Variants in RAPGEF1 observed in about 807,000 individuals in gnomAD.
RAPGEF1 encodes CRK SH3-binding GNRP.
In RAPGEF1, 33 loss-of-function variants were observed where a neutral mutation model predicts 143.3. That is an observed-to-expected ratio of 0.23 (90% CI 0.17 to 0.31). The LOEUF (loss-of-function observed/expected upper bound fraction) is 0.31, where lower values mean the gene tolerates loss of function less well. Ranked by LOEUF, RAPGEF1 falls within the 10% of genes least tolerant of loss-of-function variation. The pLI, the probability that RAPGEF1 is intolerant of heterozygous loss-of-function variation, is 1.00. For synonymous variants in RAPGEF1, 629 were observed against 676.5 expected (o/e 0.93, Z 1.09); for missense variants, 1,199 against 1,645.4 (o/e 0.73, Z 4.69).
intron 12 of RAPGEF1, among the ~76,000 whole-genome samples, chr9:131,607,470 T>A (rs751992272): frequency 2.0e-5 from 3 of 152,094 alleles, no homozygotes; most frequent in Non-Finnish European, 4.4e-5. Context: ...GGGTTTTCCA[T>A]CGATCTCTGG....
rs768808632 is a variant in RAPGEF1 at position 131,655,250 on chromosome 9, A to G, written c.62-4301T>C. Among the ~76,000 whole-genome samples, 3 of 152,212 alleles carry G rather than the reference A, an allele frequency of 2.0e-5. No homozygotes were observed. Among genetic ancestry groups the G allele is most frequent in the Middle Eastern group, 6.3e-3 (2 of 316 alleles). Reference sequence around the variant, plus strand: ...AAGCCAGGGCCTGACCCGCATTCACATGTGGTCAAACCAAACAGCTTCACA... The same window carrying G: ...AAGCCAGGGCCTGACCCGCATTCACGTGTGGTCAAACCAAACAGCTTCACA... On this transcript the variant is annotated intron_variant, in intron 1 of 26. Coordinates refer to ENST00000683357, the MANE Select transcript of RAPGEF1 (RefSeq NM_001377935.1). This position sits in a 1 kb window ranked among gnomAD's most constrained non-coding sequence, Gnocchi z 4.1.
rs936921451 is a variant in RAPGEF1, at chr9:131,630,448, C to T, written c.652-124G>A. 78 of 894,810 alleles carry T rather than the reference C, an allele frequency of 8.7e-5. 1 individual carries two copies. The highest frequency in any genetic ancestry group is 1.8e-4 in the East Asian group (7 of 38,420). The allele number at this position is 894,810 out of a possible 1,614,324, so 55.4% of individuals were successfully genotyped here. A position where few individuals can be genotyped will look rare whatever the true frequency, so the allele number is the denominator to read the frequency against. ...CATTTCTGTGCCTACAGATTCCCCA[C>T]GCACCATAAACGCAAGTATCACTTG... On this transcript the variant is annotated intron_variant, in intron 5 of 26. Coordinates refer to ENST00000683357, the MANE Select transcript of RAPGEF1 (RefSeq NM_001377935.1).
At chr9:131,600,970 A>G (rs750648428) in intron 15 of RAPGEF1, among the ~76,000 whole-genome samples, 5 of 152,160 alleles carry the variant, frequency 3.3e-5, no homozygotes, top group Non-Finnish European at 5.9e-5. Flanking sequence ...CCTGGCTAAC[A>G]TGGTGAAACC....
At chr9:131,589,062 A>G in intron 19 of RAPGEF1, 76 bp from the exon 20 acceptor site, 1 of 1,411,566 alleles carries the variant, frequency 7.1e-7, no homozygotes, top group Non-Finnish European at 9.8e-7. Flanking sequence ...CTTGAGACAC[A>G]CAAAGGGCAC....
intron 1 of RAPGEF1, among the ~76,000 whole-genome samples, chr9:131,690,304 G>A (rs1833690857): frequency 6.6e-6 from 1 of 152,186 alleles, no homozygotes; most frequent in South Asian, 2.1e-4. Context: ...CTACAGTAGA[G>A]TGACGGTTCT....
At chr9:131,708,745 T>TTTCTTTC (rs33942559) in intron 1 of RAPGEF1, among the ~76,000 whole-genome samples, 2 of 47,078 alleles carry the variant, frequency 4.2e-5, no homozygotes, top group African/African-American at 1.8e-4. Context: ...TTCTTTCTTT[T>TTTCTTTC]TTTTTTGAGA....
chr9:131,637,659 T>C (rs1966725622), intron 5 of RAPGEF1, among the ~76,000 whole-genome samples: 1 of 152,184 alleles, frequency 6.6e-6, no homozygotes, highest in East Asian at 1.9e-4. Context: ...TTACAAAGCA[T>C]GCATCTAGCA....
chr9:131,738,788 T>G (rs187828812), intron 1 of RAPGEF1, among the ~76,000 whole-genome samples: 94 of 152,302 alleles, frequency 6.2e-4, no homozygotes, highest in Non-Finnish European at 1.1e-3. Flanking sequence ...GCCTTGTGGG[T>G]CCGCTGCAGG....
intron 5 of RAPGEF1, among the ~76,000 whole-genome samples, chr9:131,633,940 T>C (rs542877319): frequency 7.2e-5 from 11 of 152,360 alleles, no homozygotes; most frequent in African/African-American, 2.4e-4. Context: ...TGTCAGACTT[T>C]TTAATTGTCC....
At chr9:131,604,872 C>A (rs1227312763) in intron 13 of RAPGEF1, 59 bp downstream of exon 13, 2 of 1,239,022 alleles carry the variant, frequency 1.6e-6, no homozygotes, top group African/African-American at 3.2e-5. Context: ...AAACGTGCAG[C>A]CCCATGTGCA....
chr9:131,704,929 C>CTTTAGGATCAACA (rs1834935286), intron 1 of RAPGEF1, among the ~76,000 whole-genome samples: 1 of 152,090 alleles, frequency 6.6e-6, no homozygotes, highest in African/African-American at 2.4e-5. Flanking sequence ...AATGTTGATT[C>CTTTAGGATCAACA]TTTAGGAGGG....
chr9:131,668,727 T>G (rs1830846311), intron 1 of RAPGEF1, among the ~76,000 whole-genome samples: 7 of 152,230 alleles, frequency 4.6e-5, no homozygotes, highest in Admixed American at 4.6e-4. Context: ...ATAGGCTTCC[T>G]GAGATGTGAA....
chr9:131,674,173 C>T lies in RAPGEF1; in HGVS notation c.62-23224G>A, dbSNP rs192572284. ...TCTAGTTTCTTTATAATAATATTTT[C>T]GTGTTCTTTGTGGTGGGGGTTGAGA... is the stretch of plus-strand genomic sequence containing the variant. On this transcript the variant is annotated intron_variant, in intron 1 of 26. Transcript: ENST00000683357. Among the ~76,000 whole-genome samples the T allele has an allele frequency of 1.9e-4, 29 of 152,180 alleles. No homozygotes were observed. The East Asian group carries it at 4.6e-3, about 24-fold the overall frequency.
chr9:131,723,560 T>C (rs907543893), intron 1 of RAPGEF1, among the ~76,000 whole-genome samples: 36 of 152,394 alleles, frequency 2.4e-4, no homozygotes, highest in African/African-American at 7.7e-4. Flanking sequence ...CTTATTTTAC[T>C]TAGCATAATG....
chr9:131,684,784 G>A lies in RAPGEF1; in HGVS notation c.62-33835C>T, dbSNP rs556515367. Reference sequence around the variant, plus strand: ...CCAGCCCAAAATCAACAGCCGATTTGGATACCATCAAGACACCTGAAACCT... The same window carrying A: ...CCAGCCCAAAATCAACAGCCGATTTAGATACCATCAAGACACCTGAAACCT... On this transcript the variant is annotated intron_variant, in intron 1 of 26. Transcript: ENST00000683357. 5.3e-5 allele frequency among the ~76,000 whole-genome samples: 8 copies of A among 152,326 alleles called. No individual in the cohort carries two copies. In the South Asian group the frequency reaches 1.4e-3, roughly 28 times the overall value.
rs924847390 is a variant in RAPGEF1 at position 131,590,295 on chromosome 9, G to T, written c.2775-317C>A. On this transcript the variant is annotated intron_variant, in intron 18 of 26. Transcript: ENST00000683357. Reference sequence around the variant, plus strand: ...GTGCCCATGAGATTACAGACACGTAGAGAGTGCCTTGCTGAACTTTAGGTA... The same window carrying T: ...GTGCCCATGAGATTACAGACACGTATAGAGTGCCTTGCTGAACTTTAGGTA... 6.6e-5 allele frequency among the ~76,000 whole-genome samples: 7 copies of T among 106,414 alleles called. No individual in the cohort carries two copies. The East Asian group carries it at 1.6e-3, about 25-fold the overall frequency. The allele number at this position is 106,414 out of a possible 152,430, so 69.8% of individuals were successfully genotyped here.
At chr9:131,663,494 C>T (rs1829931390) in intron 1 of RAPGEF1, among the ~76,000 whole-genome samples, 1 of 146,890 alleles carries the variant, frequency 6.8e-6, no homozygotes, top group Admixed American at 6.9e-5. Context: ...AATTAAGGAG[C>T]ATACATTGCA....
At chr9:131,666,050 A>C (rs1830375944) in intron 1 of RAPGEF1, among the ~76,000 whole-genome samples, 1 of 152,250 alleles carries the variant, frequency 6.6e-6, no homozygotes. Flanking sequence ...ACGCAGATAA[A>C]AGAATCAATG....
chr9:131,625,172 C>T (rs1028950133), intron 10 of RAPGEF1, among the ~76,000 whole-genome samples: 6 of 152,172 alleles, frequency 3.9e-5, no homozygotes, highest in African/African-American at 1.4e-4. Flanking sequence ...GAAACGGTGA[C>T]AGCTGTGCTG....
Sources: gnomAD v4.1 joint callset for allele counts (sites outside exome capture counted in the v4.1 genomes callset) on GRCh38, gnomAD v4.1.1 for gene constraint, Gnocchi (gnomAD v3.1) non-coding constraint, MANE v1.5 for transcripts, NCBI Gene and HGNC (gene_info 2026-07-23, HGNC 2026-07-21) for gene names.